The following CABLES1 variants were observed in gnomAD, a reference collection of about 807,000 sequenced individuals.
The protein encoded by CABLES1 is Cdk5 and Abl enzyme substrate 1.
CABLES1 carries 36 observed loss-of-function variants against 57.8 expected under a neutral mutation model. That is an observed-to-expected ratio of 0.62 (90% confidence interval 0.48 to 0.82). The LOEUF (loss-of-function observed/expected upper bound fraction) is 0.82, where lower values mean the gene tolerates loss of function less well. CABLES1 is among the 40% of genes least tolerant of loss of function. The probability of loss-of-function intolerance (pLI) is 0.00; values close to 1 mark genes in which losing one functional copy is unlikely to be tolerated. For synonymous variants in CABLES1, 374 were observed against 363.0 expected (o/e 1.03, Z -0.35); for missense variants, 767 against 836.6 (o/e 0.92, Z 1.03).
At chr18:23,149,974 A>T (rs984979157) in intron 1 of CABLES1, 7 of 152,376 alleles carry the variant, frequency 4.6e-5, no homozygotes, top group Non-Finnish European at 8.8e-5. Flanking sequence ...TCTGCTATCC[A>T]GGTAATGCAG....
chr18:23,161,464 CTCTT>C (rs757786826), intron 1 of CABLES1, among the ~76,000 whole-genome samples: 3 of 151,038 alleles, frequency 2.0e-5, no homozygotes, highest in Non-Finnish European at 4.4e-5. Flanking sequence ...GGTGGGCTCC[CTCTT>C]TCTTGCATCC....
In CABLES1 at chr18:23,136,410, C is replaced by A. The variant is rs1433463132; in HGVS notation, c.648C>A (p.Ser216Arg). 2 of 1,597,952 alleles carry A rather than the reference C, an allele frequency of 1.3e-6. No individual in the cohort carries two copies. Among genetic ancestry groups the A allele is most frequent in the South Asian group, 2.3e-5 (2 of 88,858 alleles). ...EELEEDDAFI[S>R]VQVPAAAFLG... The stretch of plus-strand genomic sequence containing the variant: ...TGGAGGAGGACGATGCCTTTATCAG[C>A]GTGCAGGTGCCGGCGGCCGCCTTTT... The change falls in exon 1 of 10, where the codon AGC becomes AGA. Residue 216 changes from serine to arginine, a missense_variant. Physicochemically the swap from Ser to Arg is moderately radical, Grantham distance 110. This residue lies in a region of CABLES1 where 529 missense variants were observed against 622.8 expected (regional missense o/e 0.85). Coordinates refer to ENST00000256925, the MANE Select transcript of CABLES1 (RefSeq NM_001100619.3).
intron 3 of CABLES1, among the ~76,000 whole-genome samples, chr18:23,195,657 A>C (rs76256313): frequency 0.052 from 7,941 of 152,316 alleles, 251 homozygotes; most frequent in Middle Eastern, 0.092. Context: ...TGAGCTTTCC[A>C]AATGATTTTT....
At chr18:23,199,333 A>AT (rs1463574064) in intron 3 of CABLES1, among the ~76,000 whole-genome samples, 2 of 152,238 alleles carry the variant, frequency 1.3e-5, no homozygotes, top group African/African-American at 4.8e-5. Context: ...GTTGTAATTA[A>AT]TTACCTAGCA....
At chr18:23,134,757 AAG>A (rs2046804974), upstream of CABLES1, 1 of 152,192 alleles carries the variant, frequency 6.6e-6, no homozygotes, top group Non-Finnish European at 1.5e-5. Flanking sequence ...GTCCTTTGCT[AAG>A]AGAGAGATGA....
At position 23,138,064 on chromosome 18, in the gene CABLES1, CAGACTTGCAGCCTA is replaced by C. The variant is rs530775370; in HGVS notation, c.845+1460_845+1473del. The stretch of plus-strand genomic sequence containing the variant: ...ATCACACACTGGCTCATGGTGACTC[CAGACTTGCAGCCTA>C]AGCCCAGCAGTCAAGAGGGTTATGA... On this transcript the variant is annotated intron_variant, in intron 1 of 9. Transcript: ENST00000256925. Among the ~76,000 whole-genome samples the C allele has an allele frequency of 3.3e-5, 5 of 152,300 alleles. No homozygotes were observed. In the South Asian group the frequency reaches 8.3e-4, roughly 25 times the overall value.
chr18:23,207,471 C>T lies in CABLES1; in HGVS notation c.1011-6506C>T, dbSNP rs190042869. Among the ~76,000 whole-genome samples the T allele has an allele frequency of 2.0e-5, 3 of 152,336 alleles. No homozygotes were observed. The East Asian group carries it at 5.8e-4, about 29-fold the overall frequency. On this transcript the variant is annotated intron_variant, in intron 3 of 9. Transcript: ENST00000256925. ...TCCCTGAGGTCTCAGTTATCACTTGCTCCAGGAAGCCCACCTTGCCTCCTT... is the reference window on the plus strand; with the variant it reads ...TCCCTGAGGTCTCAGTTATCACTTGTTCCAGGAAGCCCACCTTGCCTCCTT...
At chr18:23,226,937 C>T (rs1598840714) in intron 4 of CABLES1, 2 of 152,148 alleles carry the variant, frequency 1.3e-5, no homozygotes, top group East Asian at 3.8e-4. Context: ...CTTAAGATAA[C>T]CATACTTGAC....
intron 3 of CABLES1, among the ~76,000 whole-genome samples, chr18:23,204,027 G>A (rs1320380849): frequency 6.6e-6 from 1 of 152,130 alleles, no homozygotes; most frequent in Non-Finnish European, 1.5e-5. Context: ...GCCTGAAGAC[G>A]CCTCCAGGAC....
At chr18:23,244,662 A>G (rs1201853227) in intron 7 of CABLES1, among the ~76,000 whole-genome samples, 1 of 152,240 alleles carries the variant, frequency 6.6e-6, no homozygotes, top group Non-Finnish European at 1.5e-5. Context: ...GGCCAAAGCA[A>G]AAGAGCCTAA....
At chr18:23,222,553 TATATATAGATATATATAGATTAG>T (rs1377470119) in intron 4 of CABLES1, among the ~76,000 whole-genome samples, 1 of 148,156 alleles carries the variant, frequency 6.7e-6, no homozygotes, top group Non-Finnish European at 1.5e-5. Context: ...TATATATATC[TATATATAGATATATATAGATTAG>T]ATATATAGAT....
At chr18:23,200,504 C>T (rs984299289) in intron 3 of CABLES1, among the ~76,000 whole-genome samples, 15 of 152,176 alleles carry the variant, frequency 9.9e-5, no homozygotes, top group Middle Eastern at 3.4e-3. Flanking sequence ...CCTTGTGATC[C>T]GCCCGCCTTG....
chr18:23,217,490 A>G lies in CABLES1; in HGVS notation c.1088+3436A>G, dbSNP rs144461519. Among the ~76,000 whole-genome samples the G allele has an allele frequency of 1.2e-3, 178 of 152,360 alleles. 3 individuals are homozygous for G. The East Asian group carries it at 0.033, about 28-fold the overall frequency. On this transcript the variant is annotated intron_variant, in intron 4 of 9. Transcript: ENST00000256925. ...CACAGTCTACCTCTGTACTCACCCAAGAAACACTGAGCACAATTCCAAATA... is the reference window on the plus strand; with the variant it reads ...CACAGTCTACCTCTGTACTCACCCAGGAAACACTGAGCACAATTCCAAATA...
chr18:23,167,326 A>G (rs1244363090), intron 1 of CABLES1, among the ~76,000 whole-genome samples: 1 of 152,066 alleles, frequency 6.6e-6, no homozygotes, highest in Non-Finnish European at 1.5e-5. Context: ...CCCAGTGGAG[A>G]ATGATCAGGC....
intron 1 of CABLES1, among the ~76,000 whole-genome samples, chr18:23,157,784 C>T (rs1211827802): frequency 6.6e-6 from 1 of 152,132 alleles, no homozygotes; most frequent in Non-Finnish European, 1.5e-5. Flanking sequence ...GGGAGGATCA[C>T]TGTACTCCAA....
In CABLES1 at chr18:23,135,784, G is replaced by A; in HGVS notation, c.22G>A (p.Ala8Thr). The A allele has an allele frequency of 1.0e-6, 1 of 973,294 alleles. No homozygotes were observed. The highest frequency in any genetic ancestry group is 1.8e-5 in the African/African-American group (1 of 56,310). 60.3% of individuals were successfully genotyped at this position (973,294 alleles called of 1,614,324 possible). A position where few individuals can be genotyped will look rare whatever the true frequency, so the allele number is the denominator to read the frequency against. MAAAAAA[A>T]TTAACSSGSA... ...CACAATGGCGGCGGCGGCGGCGGCCGCCACCACGGCCGCCTGCAGCAGCGG... is the reference window on the plus strand; with the variant it reads ...CACAATGGCGGCGGCGGCGGCGGCCACCACCACGGCCGCCTGCAGCAGCGG... The change falls in exon 1 of 10, where the codon GCC becomes ACC. Residue 8 changes from alanine (A) to threonine (T), a missense_variant. This residue lies in a region of CABLES1 where 198 missense variants were observed against 149.7 expected (regional missense o/e 1.32). Coordinates refer to ENST00000256925, the MANE Select transcript of CABLES1 (RefSeq NM_001100619.3).
chr18:23,246,588 T>C (rs1054601506), intron 7 of CABLES1, among the ~76,000 whole-genome samples: 7 of 151,834 alleles, frequency 4.6e-5, no homozygotes, highest in Non-Finnish European at 1.0e-4. Flanking sequence ...AGATGGGGTT[T>C]CACCGTGTTA....
At chr18:23,243,253 A>G (rs2047780860) in intron 7 of CABLES1, among the ~76,000 whole-genome samples, 1 of 151,930 alleles carries the variant, frequency 6.6e-6, no homozygotes, top group African/African-American at 2.4e-5. Flanking sequence ...GGGCCTCTTT[A>G]AGAAAATGTC....
At position 23,182,832 on chromosome 18, in the gene CABLES1, C is replaced by G. The variant is rs545812437; in HGVS notation, c.846-6006C>G. Among the ~76,000 whole-genome samples, 29 of 152,302 alleles carry G rather than the reference C, an allele frequency of 1.9e-4. No individual in the cohort carries two copies. In the Middle Eastern group the frequency reaches 0.014, roughly 71 times the overall value. On this transcript the variant is annotated intron_variant, in intron 1 of 9. Transcript: ENST00000256925. ...TTGATCAGCTTGCCCCACCAGGCCCCACGATGACACTGCTGCACCCTCACT... is the reference window on the plus strand; with the variant it reads ...TTGATCAGCTTGCCCCACCAGGCCCGACGATGACACTGCTGCACCCTCACT...
Sources: gnomAD v4.1 joint callset for allele counts (sites outside exome capture counted in the v4.1 genomes callset) on GRCh38, gnomAD v4.1.1 for gene constraint, gnomAD v4.1.1 regional missense constraint, MANE v1.5 for transcripts, NCBI Gene and HGNC (gene_info 2026-07-23, HGNC 2026-07-21) for gene names.